The following DDX10 variants were observed in gnomAD, a reference collection of about 807,000 sequenced individuals.
The protein encoded by DDX10 is DEAD-box helicase 10, also known as probable ATP-dependent RNA helicase DDX10.
In DDX10, 74 loss-of-function variants were observed where a neutral mutation model predicts 104.3. The ratio of observed to expected loss-of-function variants is 0.71; its 90% confidence interval spans 0.59 to 0.86. The LOEUF is 0.86. Ranked by LOEUF, DDX10 falls within the 40% of genes least tolerant of loss-of-function variation. The pLI is 0.00. For synonymous variants in DDX10, 351 were observed against 353.4 expected (o/e 0.99, Z 0.08); for missense variants, 952 against 1,040.0 (o/e 0.92, Z 1.16).
chr11:108,866,982 C>T (rs1050564608), intron 16 of DDX10, among the ~76,000 whole-genome samples: 1 of 152,038 alleles, frequency 6.6e-6, no homozygotes, highest in Non-Finnish European at 1.5e-5. Flanking sequence ...GAAAGCATCC[C>T]GGGGAGGGCA....
chr11:108,685,270 A>G (rs2094241945), intron 6 of DDX10, among the ~76,000 whole-genome samples: 1 of 150,828 alleles, frequency 6.6e-6, no homozygotes, highest in African/African-American at 2.4e-5. Flanking sequence ...AAAGCGCAAT[A>G]TTCGGGTGGG....
Position 108,940,917 on chromosome 11 carries a change from T to C in DDX10, c.*494T>C, listed in dbSNP as rs1864102294. On this transcript the variant is annotated 3_prime_UTR_variant, in exon 18 of 18. Transcript: ENST00000322536. The stretch of plus-strand genomic sequence containing the variant: ...GATGATCAATAATAAACATATTTCC[T>C]ATAAAAGAAAGTATTAATGTTTGCA... The C allele has an allele frequency of 5.3e-6, 1 of 186,948 alleles. No individual in the cohort carries two copies. Among genetic ancestry groups the C allele is most frequent in the Non-Finnish European group, 1.1e-5 (1 of 88,676 alleles). 11.6% of individuals were successfully genotyped at this position (186,948 alleles called of 1,614,324 possible).
chr11:108,755,331 T>G (rs560648037), intron 13 of DDX10, among the ~76,000 whole-genome samples: 1 of 152,096 alleles, frequency 6.6e-6, no homozygotes, highest in East Asian at 1.9e-4. Context: ...CTCTAACTTA[T>G]GAGAGTCATG....
At chr11:108,796,943 G>T (rs1323393708) in intron 13 of DDX10, among the ~76,000 whole-genome samples, 1 of 152,214 alleles carries the variant, frequency 6.6e-6, no homozygotes, top group Non-Finnish European at 1.5e-5. Flanking sequence ...GCCCTCATCA[G>T]ATGTTGGCAC....
At chr11:108,881,789 G>A (rs1308298706) in intron 16 of DDX10, among the ~76,000 whole-genome samples, 1 of 152,136 alleles carries the variant, frequency 6.6e-6, no homozygotes, top group African/African-American at 2.4e-5. Context: ...AGGTTTATCA[G>A]GATGCAACCC....
chr11:108,765,480 G>T (rs1462786), intron 13 of DDX10, among the ~76,000 whole-genome samples: 142 of 152,278 alleles, frequency 9.3e-4, no homozygotes, highest in Admixed American at 7.8e-3. Flanking sequence ...TAAATTAGGT[G>T]CTCTGTCTTT....
At chr11:108,711,341 A>G (rs1297974142) in intron 10 of DDX10, among the ~76,000 whole-genome samples, 9 of 151,954 alleles carry the variant, frequency 5.9e-5, no homozygotes, top group African/African-American at 1.5e-4. Context: ...TGCTATTTCT[A>G]TGTTATGTTA....
intron 10 of DDX10, 69 bp downstream of exon 10, chr11:108,706,906 G>A (rs2094276966): frequency 7.5e-7 from 1 of 1,325,818 alleles, no homozygotes; most frequent in East Asian, 2.3e-5. Context: ...TTAATTATGT[G>A]CACCTAATTT....
At chr11:108,893,730 C>G (rs1447350445) in intron 16 of DDX10, among the ~76,000 whole-genome samples, 1 of 151,908 alleles carries the variant, frequency 6.6e-6, no homozygotes, top group East Asian at 1.9e-4. Context: ...TCTAGCAGCT[C>G]AATGATGTAT....
chr11:108,721,635 A>G (rs747543693), intron 12 of DDX10, among the ~76,000 whole-genome samples: 4 of 152,178 alleles, frequency 2.6e-5, no homozygotes, highest in Non-Finnish European at 5.9e-5. Flanking sequence ...TGAGTTTGGT[A>G]TTTTAATTTT....
chr11:108,888,836 A>G (rs1014376415), intron 16 of DDX10, among the ~76,000 whole-genome samples: 15 of 152,070 alleles, frequency 9.9e-5, no homozygotes, highest in African/African-American at 3.4e-4. Context: ...CCTGGTGTTC[A>G]TCTCCATGGT....
intron 13 of DDX10, among the ~76,000 whole-genome samples, chr11:108,738,251 C>T (rs1480303809): frequency 3.5e-5 from 5 of 144,052 alleles, no homozygotes; most frequent in Non-Finnish European, 7.5e-5. Context: ...TGAGACTGAA[C>T]TTTTTTTTTT....
chr11:108,875,729 C>A (rs1863144774), intron 16 of DDX10, among the ~76,000 whole-genome samples: 1 of 152,170 alleles, frequency 6.6e-6, no homozygotes, highest in Non-Finnish European at 1.5e-5. Context: ...CTTTCCAGTT[C>A]ATGAAGCACT....
intron 14 of DDX10, among the ~76,000 whole-genome samples, chr11:108,838,822 A>G (rs1368021655): frequency 6.6e-6 from 1 of 152,208 alleles, no homozygotes; most frequent in African/African-American, 2.4e-5. Context: ...ATGTTTTTAT[A>G]GATAAGGTTT....
At chr11:108,905,255 T>A (rs1375136372) in intron 16 of DDX10, among the ~76,000 whole-genome samples, 1 of 143,724 alleles carries the variant, frequency 7.0e-6, no homozygotes, top group Admixed American at 6.9e-5. Context: ...TTTAAAAAAA[T>A]TTCATCTCTT....
intron 16 of DDX10, among the ~76,000 whole-genome samples, chr11:108,860,141 G>C (rs75438779): frequency 0.031 from 4,682 of 152,242 alleles, 192 homozygotes; most frequent in East Asian, 0.22. Context: ...TATGGTACAA[G>C]AATCTGTGTG....
chr11:108,682,346 C>G (rs2094236557), intron 6 of DDX10, among the ~76,000 whole-genome samples: 1 of 152,142 alleles, frequency 6.6e-6, no homozygotes, highest in African/African-American at 2.4e-5. Context: ...CTCAGGTGAT[C>G]CACCCGCCTC....
At chr11:108,763,950 A>G (rs2094353619) in intron 13 of DDX10, among the ~76,000 whole-genome samples, 1 of 152,206 alleles carries the variant, frequency 6.6e-6, no homozygotes, top group African/African-American at 2.4e-5. Context: ...GACAAAGGTT[A>G]ACAATTCCAA....
intron 16 of DDX10, among the ~76,000 whole-genome samples, chr11:108,857,975 C>G (rs536696521): frequency 6.6e-6 from 1 of 152,174 alleles, no homozygotes; most frequent in East Asian, 1.9e-4. Flanking sequence ...TAGGCGGATA[C>G]AGAATATTGT....
Sources: allele counts gnomAD v4.1 joint callset (sites outside exome capture counted in the v4.1 genomes callset), GRCh38; gene constraint gnomAD v4.1.1; transcripts MANE v1.5; gene names NCBI Gene and HGNC (gene_info 2026-07-23, HGNC 2026-07-21).